Variants in SUPV3L1 observed in about 807,000 individuals in gnomAD.
SUPV3L1 encodes the protein ATP-dependent RNA helicase SUPV3L1, mitochondrial.
Under a neutral mutation model 70.0 loss-of-function variants are expected in SUPV3L1, and 35 were observed. The ratio of observed to expected loss-of-function variants is 0.50; its 90% CI spans 0.38 to 0.66. The LOEUF is 0.66. SUPV3L1 is among the 30% of genes least tolerant of loss of function. The pLI is 0.00. For synonymous variants in SUPV3L1, 364 were observed against 341.9 expected (o/e 1.06, Z -0.71); for missense variants, 777 against 961.5 (o/e 0.81, Z 2.54).
chr10:69,207,747 G>T (rs757588296), intron 13 of SUPV3L1, 46 bp from the exon 14 acceptor site: 2 of 1,576,118 alleles, frequency 1.3e-6, no homozygotes, highest in East Asian at 2.3e-5. Context: ...TAGACTTAAG[G>T]GAATTCTGAC....
At chr10:69,183,031 C>G (rs903102647) in intron 1 of SUPV3L1, among the ~76,000 whole-genome samples, 1 of 152,152 alleles carries the variant, frequency 6.6e-6, no homozygotes, top group Non-Finnish European at 1.5e-5. Flanking sequence ...ATCTCGCTGC[C>G]TACCAGGTGT....
chr10:69,196,527 C>CT (rs893002979), intron 7 of SUPV3L1, among the ~76,000 whole-genome samples: 4 of 151,612 alleles, frequency 2.6e-5, no homozygotes, highest in African/African-American at 7.3e-5. Flanking sequence ...AGGCTGAACT[C>CT]TTTTTTTAAA....
At chr10:69,187,365 T>TTTTTTTTTTA (rs1235816061) in intron 3 of SUPV3L1, 5 of 153,784 alleles carry the variant, frequency 3.3e-5, no homozygotes, top group Non-Finnish European at 6.8e-5. Flanking sequence ...TTTTTTTTTT[T>TTTTTTTTTTA]TGTGACACGG....
intron 7 of SUPV3L1, among the ~76,000 whole-genome samples, chr10:69,196,281 A>G (rs1236922052): frequency 1.3e-5 from 2 of 152,074 alleles, no homozygotes; most frequent in African/African-American, 4.8e-5. Context: ...TGCTTGAGGC[A>G]AGGAATTCAA....
At position 69,200,011 on chromosome 10, in the gene SUPV3L1, T is replaced by C. The variant is rs191640816; in HGVS notation, c.1299-269T>C. On this transcript the variant is annotated intron_variant, in intron 10 of 14. Transcript: ENST00000359655. ...GGCACACACCACTGAACCTAGCTGA[T>C]GTTTTTAATTTTTTGTAGAGACTTG... Among the ~76,000 whole-genome samples, 344 of 152,138 alleles carry C rather than the reference T, an allele frequency of 2.3e-3. 2 individuals carry two copies. The highest frequency in any genetic ancestry group is 7.7e-3 in the African/African-American group (318 of 41,498).
In SUPV3L1 at chr10:69,185,908, A is replaced by G. The variant is rs922732284; in HGVS notation, c.272-79A>G. ...TCATTAGACTGCTGCCTTTAGTGTT[A>G]TTGCTTCAAGTTTCTTTTGCTTTTT... On this transcript the variant is annotated intron_variant, in intron 1 of 14. Coordinates refer to ENST00000359655, the MANE Select transcript of SUPV3L1 (RefSeq NM_003171.5). 9.4e-6 allele frequency: 10 copies of G among 1,061,574 alleles called. No individual in the cohort carries two copies. The African/African-American group carries it at 1.3e-4, about 13-fold the overall frequency. 65.8% of individuals were successfully genotyped at this position (1,061,574 alleles called of 1,614,324 possible). A position where few individuals can be genotyped will look rare whatever the true frequency, so the allele number is the denominator to read the frequency against.
At chr10:69,189,229 G>A (rs1164421532) in intron 4 of SUPV3L1, 38 bp from the exon 5 acceptor site, 3 of 1,573,156 alleles carry the variant, frequency 1.9e-6, no homozygotes, top group Non-Finnish European at 2.6e-6. Flanking sequence ...TGGATTTTGA[G>A]GTTAATGGAT....
At chr10:69,182,545 A>G in intron 1 of SUPV3L1, 2 of 985,358 alleles carry the variant, frequency 2.0e-6, no homozygotes, top group Non-Finnish European at 2.4e-6. Flanking sequence ...TGAAAATGTA[A>G]ATGTCTTTGC....
At chr10:69,203,399 C>CA (rs1362942659) in intron 13 of SUPV3L1, among the ~76,000 whole-genome samples, 2 of 152,138 alleles carry the variant, frequency 1.3e-5, no homozygotes, top group Non-Finnish European at 2.9e-5. Flanking sequence ...TGCAGTGGCT[C>CA]ACGCCTGTAA....
chr10:69,187,373 C>T (rs184035093), intron 3 of SUPV3L1: 78 of 68,818 alleles, frequency 1.1e-3, no homozygotes, highest in East Asian at 7.4e-3. Flanking sequence ...TTTTGTGACA[C>T]GGTCTCACTC....
intron 1 of SUPV3L1, among the ~76,000 whole-genome samples, chr10:69,184,266 C>T (rs538643338): frequency 7.2e-5 from 11 of 152,070 alleles, no homozygotes; most frequent in African/African-American, 2.4e-4. Flanking sequence ...CAGTGGCTCA[C>T]GCCTGTAATC....
chr10:69,190,648 G>C (rs540926796), intron 5 of SUPV3L1, among the ~76,000 whole-genome samples: 44 of 152,198 alleles, frequency 2.9e-4, no homozygotes, highest in African/African-American at 9.4e-4. Flanking sequence ...ACCCCTCCAG[G>C]GTTCTTTTCA....
Position 69,204,352 on chromosome 10 carries a change from C to T in SUPV3L1, c.1776+1309C>T, listed in dbSNP as rs117655339. On this transcript the variant is annotated intron_variant, in intron 13 of 14. Coordinates refer to ENST00000359655, the MANE Select transcript of SUPV3L1 (RefSeq NM_003171.5). Reference sequence around the variant, plus strand: ...GTCCTGACTCACTGAGGTTCACTGCCATTTCCTCTGTAGGCCTGAGCATTC... The same window carrying T: ...GTCCTGACTCACTGAGGTTCACTGCTATTTCCTCTGTAGGCCTGAGCATTC... Among the ~76,000 whole-genome samples the T allele has an allele frequency of 5.9e-3, 897 of 152,298 alleles. 4 individuals are homozygous for T. The highest frequency in any genetic ancestry group is 0.01 in the Admixed American group (159 of 15,300).
At position 69,189,418 on chromosome 10, in the gene SUPV3L1, G is replaced by A. The variant is rs776187314; in HGVS notation, c.724G>A (p.Glu242Lys). Residue 242 changes from glutamate to lysine, a missense_variant, in exon 5 of 15, where the codon GAA becomes AAA. By Grantham distance (56) the Glu-to-Lys change is moderately conservative. Transcript: ENST00000359655. Reference sequence around the variant, plus strand: ...AAAATTACTGGCACATGAGATCTTCGAAAAGAGTAATGCTGCTGTCAGTAT... The same window carrying A: ...AAAATTACTGGCACATGAGATCTTCAAAAAGAGTAATGCTGCTGTCAGTAT... ...PLKLLAHEIF[E>K]KSNAAGVPCD... is the part of the protein sequence containing the mutation. The A allele has an allele frequency of 9.9e-6, 16 of 1,611,256 alleles. No homozygotes were observed. Among genetic ancestry groups the A allele is most frequent in the Non-Finnish European group, 1.3e-5 (15 of 1,178,724 alleles).
intron 5 of SUPV3L1, among the ~76,000 whole-genome samples, chr10:69,190,099 C>T (rs191994093): frequency 3.9e-5 from 6 of 152,272 alleles, no homozygotes; most frequent in Admixed American, 1.3e-4. Context: ...TATTACACCA[C>T]CTCATCATAT....
chr10:69,191,655 G>C lies in SUPV3L1; in HGVS notation c.742G>C (p.Gly248Arg), dbSNP rs1188615554. The change falls in exon 6 of 15, where the codon GGT (glycine) becomes CGT (arginine). Residue 248 changes from glycine (G) to arginine (R), a missense_variant and splice_region_variant. Physicochemically the swap from Gly to Arg is moderately radical, Grantham distance 125. This residue lies in a region of SUPV3L1 where 619 missense variants were observed against 823.3 expected (regional missense o/e 0.75). Coordinates refer to ENST00000359655, the MANE Select transcript of SUPV3L1 (RefSeq NM_003171.5). ...TCTAGTTTTTTTTCTGTCTTTCTAGGGTGTGCCATGTGACTTGGTGACAGG... is the reference window on the plus strand; with the variant it reads ...TCTAGTTTTTTTTCTGTCTTTCTAGCGTGTGCCATGTGACTTGGTGACAGG... ...HEIFEKSNAA[G>R]VPCDLVTGEE... The C allele has an allele frequency of 6.2e-7, 1 of 1,613,076 alleles. No individual in the cohort carries two copies. Among genetic ancestry groups the C allele is most frequent in the Admixed American group, 1.7e-5 (1 of 59,954 alleles).
At chr10:69,185,434 T>C (rs1842193473) in intron 1 of SUPV3L1, among the ~76,000 whole-genome samples, 1 of 151,854 alleles carries the variant, frequency 6.6e-6, no homozygotes, top group Non-Finnish European at 1.5e-5. Context: ...CTGCCTCTCA[T>C]CCCAGAGTGC....
chr10:69,195,332 C>A, intron 7 of SUPV3L1, 67 bp downstream of exon 7: 1 of 1,257,118 alleles, frequency 8.0e-7, no homozygotes, highest in Non-Finnish European at 1.1e-6. Context: ...TTTTTATCTG[C>A]TTGCCATTGC....
intron 13 of SUPV3L1, 152 bp downstream of exon 13, chr10:69,203,195 A>G (rs1842729575): frequency 1.3e-6 from 1 of 772,604 alleles, no homozygotes; most frequent in African/African-American, 1.8e-5. Flanking sequence ...TAGTAGCAAC[A>G]GTGTTCAGTT....
Sources: gnomAD v4.1 joint callset for allele counts (sites outside exome capture counted in the v4.1 genomes callset) on GRCh38, gnomAD v4.1.1 for gene constraint, gnomAD v4.1.1 regional missense constraint, MANE v1.5 for transcripts, NCBI Gene and HGNC (gene_info 2026-07-23, HGNC 2026-07-21) for gene names.